The following DNAH2 variants were observed in gnomAD, a reference collection of about 807,000 sequenced individuals.
The protein encoded by DNAH2 is axonemal beta dynein heavy chain 2.
DNAH2 carries 323 observed loss-of-function variants against 523.5 expected under a neutral mutation model. The observed-to-expected ratio is 0.62, with a 90% CI of 0.56 to 0.68. The LOEUF (loss-of-function observed/expected upper bound fraction) is 0.68. DNAH2 is among the 30% of genes least tolerant of loss of function. The pLI, the probability that DNAH2 is intolerant of heterozygous loss-of-function variation, is 0.00. For synonymous variants in DNAH2, 2,093 were observed against 2,177.4 expected, an observed-to-expected ratio of 0.96 and a Z score of 1.08; for missense variants, 4,907 against 5,701.5, an observed-to-expected ratio of 0.86 and a Z score of 4.49.
At chr17:7,750,130 C>T (rs1365649143) in intron 12 of DNAH2, among the ~76,000 whole-genome samples, 1 of 152,172 alleles carries the variant, frequency 6.6e-6, no homozygotes, top group Admixed American at 6.5e-5. Context: ...GTGATCCACA[C>T]ACCTCAGCCT....
intron 33 of DNAH2, 52 bp downstream of exon 33, chr17:7,777,686 C>G: frequency 1.3e-6 from 2 of 1,597,136 alleles, no homozygotes; most frequent in Non-Finnish European, 1.7e-6. Context: ...GATCCTAATG[C>G]TTTTATTGCA....
Position 7,758,576 on chromosome 17 carries a change from A to G in DNAH2, c.2133A>G (p.Gly711=). 6.2e-7 allele frequency: 1 copy of G among 1,614,022 alleles called. No individual in the cohort carries two copies. Among genetic ancestry groups the G allele is most frequent in the Non-Finnish European group, 8.5e-7 (1 of 1,179,978 alleles). The change falls in exon 14 of 86, where the codon GGA becomes GGG. Residue 711 remains glycine (G), a synonymous_variant. Coordinates refer to ENST00000572933, the MANE Select transcript of DNAH2 (RefSeq NM_020877.5). ...IRLLDKKIHP[G]LKKLHWALKG... is the part of the protein sequence containing the mutation. ...TCCTGGATAAGAAGATCCACCCGGG[A>G]CTCAAGAAACTGCACTGGGCCTTGA...
At chr17:7,788,390 G>A (rs2076805046) in intron 44 of DNAH2, 146 bp downstream of exon 44, 1 of 1,017,338 alleles carries the variant, frequency 9.8e-7, no homozygotes, top group African/African-American at 1.6e-5. Flanking sequence ...CAACGACCAT[G>A]GAGGCAGTGA....
rs202126157 is a variant in DNAH2, at chr17:7,743,073, G to A, written c.1835G>A (p.Arg612Gln). The A allele has an allele frequency of 5.8e-5, 89 of 1,539,942 alleles. No homozygotes were observed. Among genetic ancestry groups the A allele is most frequent in the Middle Eastern group, 1.8e-4 (1 of 5,700 alleles). ...TCAAGTCTGGACAAGGATTGCATTC[G>A]GCGGTTGGATACCCCATTGCTGCGA... is the stretch of plus-strand genomic sequence containing the variant. The part of the protein sequence containing the change: ...WTSSLDKDCI[R>Q]RLDTPLLRIS... The change falls in exon 12 of 86, where the codon CGG becomes CAG. Residue 612 changes from arginine (R) to glutamine (Q), a missense_variant. This residue lies in a region of DNAH2 where 2,806 missense variants were observed against 3,190.8 expected (regional missense o/e 0.88). Transcript: ENST00000572933.
At chr17:7,738,084 A>C in intron 8 of DNAH2, 3 of 703,568 alleles carry the variant, frequency 4.3e-6, no homozygotes, top group Non-Finnish European at 7.8e-6. Context: ...CACGCTTGGA[A>C]AGATCACTAC....
intron 24 of DNAH2, among the ~76,000 whole-genome samples, chr17:7,769,696 T>C (rs556957897): frequency 7.2e-5 from 11 of 152,352 alleles, no homozygotes; most frequent in Admixed American, 3.9e-4. Flanking sequence ...CCATTGGGGA[T>C]AGATTTATAA....
intron 4 of DNAH2, among the ~76,000 whole-genome samples, chr17:7,731,134 T>TAATGA (rs1555536444): frequency 6.7e-6 from 1 of 148,672 alleles, no homozygotes; most frequent in Non-Finnish European, 1.5e-5. Flanking sequence ...ATAAATAAAT[T>TAATGA]AATTAAATTA....
In DNAH2 at chr17:7,767,911, C is replaced by CTA. The variant is rs1455957429; in HGVS notation, c.3687_3688insTA (p.Leu1230TyrfsTer25). On this transcript the variant is annotated frameshift_variant, in exon 23 of 86. Transcript: ENST00000572933. LOFTEE classifies it high-confidence loss of function. ...TTTCTGCCCTGTAGGAGCTCGATGC[C>CTA]CTCCAGCAAATCTGGGAGATCGCAC... is the stretch of plus-strand genomic sequence containing the variant. The CTA allele has an allele frequency of 6.2e-7, 1 of 1,614,124 alleles. No individual in the cohort carries two copies. Among genetic ancestry groups the CTA allele is most frequent in the Non-Finnish European group, 8.5e-7 (1 of 1,180,032 alleles).
At position 7,833,479 on chromosome 17, in the gene DNAH2, A is replaced by G. The variant is rs1327610703; in HGVS notation, c.13230A>G (p.Thr4410=). 1.2e-6 allele frequency: 2 copies of G among 1,614,060 alleles called. No homozygotes were observed. The highest frequency in any genetic ancestry group is 1.7e-6 in the Non-Finnish European group (2 of 1,180,028). Residue 4410 remains threonine (T), a synonymous_variant, in exon 86 of 86, where the codon ACA becomes ACG. Transcript: ENST00000572933. ...TTGACCTGCGGTCTGGGGCCATGAC[A>G]CCTGATCATTGGATCAAGAGGGGCA... The part of the protein sequence containing the change: ...IGIDLRSGAM[T]PDHWIKRGTA...
intron 9 of DNAH2, 49 bp from the exon 10 acceptor site, chr17:7,740,371 G>A (rs1247215806): frequency 6.2e-7 from 1 of 1,606,878 alleles, no homozygotes; most frequent in South Asian, 1.1e-5. Flanking sequence ...GGTTGGAGTT[G>A]GGGGCAGGCG....
At position 7,799,162 on chromosome 17, in the gene DNAH2, C is replaced by T; in HGVS notation, c.8619C>T (p.Ser2873=). ...RVEQVPESSD[S]LFAYLIERVQ... is the part of the protein sequence containing the mutation. ...AGCAGGTGCCTGAGTCATCGGACAG[C>T]CTCTTCGCCTACCTCATTGAACGCG... is the stretch of plus-strand genomic sequence containing the variant. Residue 2873 remains serine, a synonymous_variant, in exon 56 of 86, where the codon AGC becomes AGT. Transcript: ENST00000572933. 1 of 1,614,234 alleles carries T rather than the reference C, an allele frequency of 6.2e-7. No individual in the cohort carries two copies. Among genetic ancestry groups the T allele is most frequent in the Non-Finnish European group, 8.5e-7 (1 of 1,180,046 alleles).
rs181105517 is a variant in DNAH2 at position 7,810,511 on chromosome 17, C to T, written c.9729+2925C>T. Among the ~76,000 whole-genome samples the T allele has an allele frequency of 2.4e-3, 363 of 152,300 alleles. 3 individuals carry two copies. Among genetic ancestry groups the T allele is most frequent in the South Asian group, 0.023 (112 of 4,826 alleles). On this transcript the variant is annotated intron_variant, in intron 63 of 85. Coordinates refer to ENST00000572933, the MANE Select transcript of DNAH2 (RefSeq NM_020877.5). ...TCAAGTGATTCTCCTGCCTCAGCCT[C>T]CCGAGTAGCTGGGATTACAGGCGTC... is the stretch of plus-strand genomic sequence containing the variant.
At chr17:7,745,891 T>C (rs2075504918) in intron 12 of DNAH2, among the ~76,000 whole-genome samples, 1 of 149,542 alleles carries the variant, frequency 6.7e-6, no homozygotes, top group Non-Finnish European at 1.5e-5. Context: ...CCAGCGAGAG[T>C]AGATACAGCA....
rs370650046 is a variant in DNAH2 at position 7,781,174 on chromosome 17, G to A, written c.6129+7G>A. Reference sequence around the variant, plus strand: ...TGTCATTGACTATGGCAAGGTATTTGTTCCTTAATACTCTCCCTGACCGGG... The same window carrying A: ...TGTCATTGACTATGGCAAGGTATTTATTCCTTAATACTCTCCCTGACCGGG... On this transcript the variant is annotated splice_region_variant and intron_variant, in intron 39 of 85. Transcript: ENST00000572933. The A allele has an allele frequency of 1.9e-6, 3 of 1,614,008 alleles. No individual in the cohort carries two copies. Among genetic ancestry groups the A allele is most frequent in the African/African-American group, 2.7e-5 (2 of 74,928 alleles).
intron 59 of DNAH2, 73 bp downstream of exon 59, chr17:7,804,539 C>G: frequency 6.5e-7 from 1 of 1,530,152 alleles, no homozygotes; most frequent in Non-Finnish European, 8.9e-7. Flanking sequence ...AACCCATGTT[C>G]CCCCCTTCTT....
intron 7 of DNAH2, among the ~76,000 whole-genome samples, chr17:7,736,198 A>C (rs1310326075): frequency 4.6e-5 from 7 of 152,174 alleles, no homozygotes; most frequent in Admixed American, 1.3e-4. Flanking sequence ...AAAAAATTTG[A>C]TATGATGTGA....
chr17:7,764,710 C>A (rs2076106764), intron 20 of DNAH2, among the ~76,000 whole-genome samples: 1 of 151,398 alleles, frequency 6.6e-6, no homozygotes, highest in Non-Finnish European at 1.5e-5. Context: ...AATCTGCTGA[C>A]CTCGGCCTCC....
chr17:7,786,726 G>A lies in DNAH2; in HGVS notation c.6466+39G>A, dbSNP rs1259044409. On this transcript the variant is annotated intron_variant, in intron 41 of 85. Coordinates refer to ENST00000572933, the MANE Select transcript of DNAH2 (RefSeq NM_020877.5). This position sits in a 1 kb window ranked among gnomAD's most constrained non-coding sequence, Gnocchi z 7.5. ...CGTGGGGTGTGGAGAGCAGACGCCT[G>A]AGTCTCCTAAGGGGGCAGGGAGTCT... 6.2e-7 allele frequency: 1 copy of A among 1,606,104 alleles called. No individual in the cohort carries two copies. Among genetic ancestry groups the A allele is most frequent in the Non-Finnish European group, 8.5e-7 (1 of 1,173,688 alleles).
intron 6 of DNAH2, 74 bp downstream of exon 6, chr17:7,734,367 A>G (rs1346798671): frequency 2.5e-6 from 4 of 1,601,220 alleles, no homozygotes; most frequent in Non-Finnish European, 3.4e-6. Context: ...GATGCTGACA[A>G]TGGAGTTGGG....
Sources: allele counts gnomAD v4.1 joint callset (sites outside exome capture counted in the v4.1 genomes callset), GRCh38; gene constraint gnomAD v4.1.1; regional missense constraint gnomAD v4.1.1; non-coding constraint Gnocchi (gnomAD v3.1); transcripts MANE v1.5; gene names NCBI Gene and HGNC (gene_info 2026-07-23, HGNC 2026-07-21).